The following PLXNA2 variants were observed in gnomAD, a reference collection of about 807,000 sequenced individuals.
The protein encoded by PLXNA2 is plexin-A2.
In PLXNA2, 91 loss-of-function variants were observed where a neutral mutation model predicts 193.5. The observed-to-expected ratio is 0.47, with a 90% CI of 0.40 to 0.56. The LOEUF is 0.56. PLXNA2 is among the 20% of genes least tolerant of loss of function. The pLI is 0.00. For missense variants in PLXNA2, 1,995 were observed against 2,503.2 expected (o/e 0.80, Z 4.33); for synonymous variants, 997 against 1,027.3 (o/e 0.97, Z 0.56).
At chr1:208,091,147 C>T (rs972453269) in intron 9 of PLXNA2, among the ~76,000 whole-genome samples, 1 of 152,216 alleles carries the variant, frequency 6.6e-6, no homozygotes, top group Non-Finnish European at 1.5e-5. Flanking sequence ...TGCCTGGTTT[C>T]GTCATGCTGA....
chr1:208,190,890 C>A (rs972147905), intron 3 of PLXNA2, among the ~76,000 whole-genome samples: 5 of 152,148 alleles, frequency 3.3e-5, no homozygotes, highest in Non-Finnish European at 5.9e-5. Context: ...CATCTTCGAA[C>A]CTTTGGTGGC....
intron 3 of PLXNA2, among the ~76,000 whole-genome samples, chr1:208,183,541 T>G (rs550215529): frequency 2.5e-4 from 36 of 142,846 alleles, no homozygotes; most frequent in Admixed American, 5.9e-4. Context: ...AGCACCATTC[T>G]GCGCAGCGTC....
At chr1:208,063,513 T>C (rs1665681989) in intron 12 of PLXNA2, among the ~76,000 whole-genome samples, 1 of 152,154 alleles carries the variant, frequency 6.6e-6, no homozygotes, top group African/African-American at 2.4e-5. Context: ...ACAAGTGAGA[T>C]GGGTAGTTCC....
intron 4 of PLXNA2, among the ~76,000 whole-genome samples, chr1:208,129,116 G>T (rs1201604375): frequency 1.3e-5 from 2 of 152,184 alleles, no homozygotes; most frequent in Non-Finnish European, 2.9e-5. Flanking sequence ...TACAATGAAT[G>T]CCTGAAATGG....
chr1:208,162,194 C>T (rs1219655958), intron 3 of PLXNA2, among the ~76,000 whole-genome samples: 1 of 152,212 alleles, frequency 6.6e-6, no homozygotes, highest in Non-Finnish European at 1.5e-5. Context: ...CTCAGGACAG[C>T]TGACATCCAT....
Position 208,025,669 on chromosome 1 carries a change from C to T in PLXNA2, c.*1574G>A, listed in dbSNP as rs1193562385. On this transcript the variant is annotated 3_prime_UTR_variant, in exon 32 of 32. Coordinates refer to ENST00000367033, the MANE Select transcript of PLXNA2 (RefSeq NM_025179.4). ...CTGGCCACCAAGGTCCTGACACTCA[C>T]AGAGCGCCTTTCCTCTCGATGACTC... 1.3e-5 allele frequency: 2 copies of T among 152,282 alleles called. No homozygotes were observed. Among genetic ancestry groups the T allele is most frequent in the Admixed American group, 6.5e-5 (1 of 15,278 alleles). The allele number at this position is 152,282 out of a possible 1,614,324, so 9.4% of individuals were successfully genotyped here.
At chr1:208,029,103 ACT>A (rs1664425719) in intron 29 of PLXNA2, 61 bp from the exon 30 acceptor site, 1 of 1,593,338 alleles carries the variant, frequency 6.3e-7, no homozygotes. Context: ...TCTGCTGCCC[ACT>A]GATATTCTTC....
chr1:208,241,958 C>T (rs973448054), intron 1 of PLXNA2, among the ~76,000 whole-genome samples: 1 of 152,108 alleles, frequency 6.6e-6, no homozygotes, highest in Non-Finnish European at 1.5e-5. Context: ...CCTTCAGCCT[C>T]CAGGCCACCA....
At chr1:208,209,880 G>A (rs1022366930) in intron 3 of PLXNA2, 1 of 247,270 alleles carries the variant, frequency 4.0e-6, no homozygotes, top group African/African-American at 2.3e-5. Context: ...ACAAAGACCA[G>A]TATAATCAAG....
At chr1:208,230,733 A>G (rs1037934309) in intron 1 of PLXNA2, among the ~76,000 whole-genome samples, 1 of 152,232 alleles carries the variant, frequency 6.6e-6, no homozygotes, top group African/African-American at 2.4e-5. Context: ...GAAGCTTCTT[A>G]AGCAGGCTAT....
intron 2 of PLXNA2, among the ~76,000 whole-genome samples, chr1:208,214,036 A>G (rs1011679325): frequency 2.6e-5 from 4 of 151,804 alleles, no homozygotes; most frequent in African/African-American, 7.3e-5. Flanking sequence ...ACTAGGCTGG[A>G]CTCTGCAAGC....
Position 208,082,599 on chromosome 1 carries a change from A to G in PLXNA2, c.2299-91T>C. On this transcript the variant is annotated intron_variant, in intron 10 of 31. Coordinates refer to ENST00000367033, the MANE Select transcript of PLXNA2 (RefSeq NM_025179.4). This position sits in a 1 kb window ranked among gnomAD's most constrained non-coding sequence, Gnocchi z 4.2. ...ACAAACCCTGCATGCTGCTCAGATT[A>G]TTATGACGCTCTTTCCCTGAATCCC... 1.2e-6 allele frequency: 1 copy of G among 859,570 alleles called. No homozygotes were observed. Among genetic ancestry groups the G allele is most frequent in the Non-Finnish European group, 1.9e-6 (1 of 521,620 alleles). The allele number at this position is 859,570 out of a possible 1,614,324, so 53.2% of individuals were successfully genotyped here. A position where few individuals can be genotyped will look rare whatever the true frequency, so the allele number is the denominator to read the frequency against.
At chr1:208,104,186 A>T (rs1243871082) in intron 4 of PLXNA2, among the ~76,000 whole-genome samples, 2 of 152,196 alleles carry the variant, frequency 1.3e-5, no homozygotes, top group African/African-American at 4.8e-5. Context: ...AGATGTGTAA[A>T]AAGTAAAAAC....
rs796183160 is a variant in PLXNA2 at position 208,043,287 on chromosome 1, G to A, written c.3875-84C>T. 1.5e-5 allele frequency: 21 copies of A among 1,361,546 alleles called. No individual in the cohort carries two copies. The African/African-American group carries it at 1.9e-4, about 12-fold the overall frequency. The allele number at this position is 1,361,546 out of a possible 1,614,324, so 84.3% of individuals were successfully genotyped here. Reference sequence around the variant, plus strand: ...GAGGGAGAAGAAGTTTGCAAAGGACGAGGGGAGGACCTTTTGTAGAGACTC... The same window carrying A: ...GAGGGAGAAGAAGTTTGCAAAGGACAAGGGGAGGACCTTTTGTAGAGACTC... On this transcript the variant is annotated intron_variant, in intron 20 of 31. Transcript: ENST00000367033.
rs1668917170 is a variant in PLXNA2, at chr1:208,155,690, T to C, written c.1372-13227A>G. Among the ~76,000 whole-genome samples the C allele has an allele frequency of 2.0e-5, 3 of 152,292 alleles. No individual in the cohort carries two copies. The South Asian group carries it at 6.2e-4, about 32-fold the overall frequency. The stretch of plus-strand genomic sequence containing the variant: ...ACCCGCCTGGGGCCTACCTGACTCC[T>C]GGCCCAACACCCGGCTGCACTGGAC... On this transcript the variant is annotated intron_variant, in intron 3 of 31. Transcript: ENST00000367033.
chr1:208,031,801 G>A (rs372443498), intron 28 of PLXNA2, 42 bp from the exon 29 acceptor site: 24 of 1,482,060 alleles, frequency 1.6e-5, no homozygotes, highest in African/African-American at 1.6e-4. Context: ...GGGGGGTGAC[G>A]GCAGGTAGCA....
In PLXNA2 at chr1:208,229,828, G is replaced by C. The variant is rs145983827; in HGVS notation, c.-80-11826C>G. ...TGACAAATTCACAATATAAAGTGAT[G>C]AACAGAGTGGGGTGAGGGAAGTCCC... On this transcript the variant is annotated intron_variant, in intron 1 of 31. Coordinates refer to ENST00000367033, the MANE Select transcript of PLXNA2 (RefSeq NM_025179.4). Among the ~76,000 whole-genome samples, 190 of 152,330 alleles carry C rather than the reference G, an allele frequency of 1.2e-3. 1 individual carries two copies. Among genetic ancestry groups the C allele is most frequent in the Non-Finnish European group, 1.9e-3 (127 of 68,022 alleles).
In PLXNA2 at chr1:208,217,636, G is replaced by A. The variant is rs1275903155; in HGVS notation, c.287C>T (p.Pro96Leu). The change falls in exon 2 of 32, where the codon CCG becomes CTG. Residue 96 changes from proline to leucine, a missense_variant. By Grantham distance (98) the Pro-to-Leu change is moderately conservative (BLOSUM62 -3). Transcript: ENST00000367033. The surrounding 1 kb of genome is among the most constrained non-coding windows in gnomAD (Gnocchi z 4.7). ...GPEEDNKSCY[P>L]PLIVQPCSEV... is the part of the protein sequence containing the mutation. ...GCTGCAGGGCTGCACGATGAGGGGC[G>A]GGTAACAAGACTTGTTGTCCTCTTC... is the stretch of plus-strand genomic sequence containing the variant. The A allele has an allele frequency of 1.2e-6, 2 of 1,614,050 alleles. No individual in the cohort carries two copies. Among genetic ancestry groups the A allele is most frequent in the Non-Finnish European group, 8.5e-7 (1 of 1,180,036 alleles).
chr1:208,107,982 A>G lies in PLXNA2; in HGVS notation c.1507-4735T>C, dbSNP rs541119954. ...ATGAATATAACTGTCCTGTTAAGTC[A>G]TTTACTTAAGAAATACTCTTATTTA... On this transcript the variant is annotated intron_variant, in intron 4 of 31. Transcript: ENST00000367033. 3.9e-5 allele frequency among the ~76,000 whole-genome samples: 6 copies of G among 152,100 alleles called. No homozygotes were observed. In the East Asian group the frequency reaches 1.2e-3, roughly 29 times the overall value.
Sources: allele counts gnomAD v4.1 joint callset (sites outside exome capture counted in the v4.1 genomes callset), GRCh38; gene constraint gnomAD v4.1.1; non-coding constraint Gnocchi (gnomAD v3.1); transcripts MANE v1.5; gene names NCBI Gene and HGNC (gene_info 2026-07-23, HGNC 2026-07-21).